TNRC6C: variants seen among roughly 807,000 people sequenced by gnomAD.
TNRC6C encodes trinucleotide repeat-containing gene 6C protein.
A neutral mutation model predicts 153.7 loss-of-function variants in TNRC6C; 20 were observed. That is an observed-to-expected ratio of 0.13 (90% confidence interval 0.09 to 0.19). TNRC6C has a LOEUF of 0.19. TNRC6C is among the 10% of genes least tolerant of loss of function. TNRC6C has a pLI of 1.00. For missense variants in TNRC6C, 1,987 were observed against 2,172.0 expected (o/e 0.91, Z 1.69); for synonymous variants, 811 against 841.4 (o/e 0.96, Z 0.63).
intron 1 of TNRC6C, among the ~76,000 whole-genome samples, chr17:77,980,378 C>T (rs1239989594): frequency 1.3e-5 from 2 of 152,202 alleles, no homozygotes; most frequent in South Asian, 2.1e-4. Flanking sequence ...GGCTCTCACT[C>T]TACAACAGTG....
At chr17:78,099,167 G>T (rs1038024571) in intron 17 of TNRC6C, among the ~76,000 whole-genome samples, 13 of 152,212 alleles carry the variant, frequency 8.5e-5, no homozygotes, top group Admixed American at 6.5e-5. Context: ...AATTAGTGGG[G>T]CATAGTGGCA....
At position 78,093,869 on chromosome 17, in the gene TNRC6C, C is replaced by T. The variant is rs2073435805; in HGVS notation, c.4306+106C>T. ...TGTGAGGCAGGGATGATACAAGGCA[C>T]AGTTGGCGGGCACCTTTTCTAGTCA... is the stretch of plus-strand genomic sequence containing the variant. On this transcript the variant is annotated intron_variant, in intron 16 of 19. Transcript: ENST00000301624. The T allele has an allele frequency of 2.8e-6, 4 of 1,408,910 alleles. No homozygotes were observed. In the South Asian group the frequency reaches 5.9e-5, roughly 21 times the overall value. 87.3% of individuals were successfully genotyped at this position (1,408,910 alleles called of 1,614,324 possible).
chr17:78,092,569 T>C (rs1453021583), intron 14 of TNRC6C, among the ~76,000 whole-genome samples: 1 of 152,142 alleles, frequency 6.6e-6, no homozygotes. Context: ...CTTTCAGGGC[T>C]GAAATTGTAG....
chr17:78,082,331 G>T (rs766861269), intron 10 of TNRC6C, among the ~76,000 whole-genome samples: 1 of 152,096 alleles, frequency 6.6e-6, no homozygotes, highest in African/African-American at 2.4e-5. Flanking sequence ...ACATGGGGAT[G>T]AAGTAATTCT....
intron 1 of TNRC6C, among the ~76,000 whole-genome samples, chr17:78,006,321 A>C (rs2071494897): frequency 6.6e-6 from 1 of 152,262 alleles, no homozygotes; most frequent in Non-Finnish European, 1.5e-5. Context: ...TTATACTCTC[A>C]GAAGCACTGT....
chr17:77,968,245 G>C (rs577901807), intron 1 of TNRC6C, among the ~76,000 whole-genome samples: 1 of 151,922 alleles, frequency 6.6e-6, no homozygotes, highest in East Asian at 1.9e-4. Context: ...TGTTGGCCAG[G>C]CTGGTCTCAA....
chr17:78,043,781 G>A (rs1414302798), intron 2 of TNRC6C, among the ~76,000 whole-genome samples: 2 of 151,558 alleles, frequency 1.3e-5, no homozygotes, highest in African/African-American at 4.9e-5. Flanking sequence ...AATTATGTTC[G>A]TTTTTAACTC....
intron 5 of TNRC6C, among the ~76,000 whole-genome samples, chr17:78,069,209 T>TTA (rs2072941930): frequency 1.3e-5 from 2 of 150,004 alleles, no homozygotes; most frequent in East Asian, 1.9e-4. Flanking sequence ...GAAACTGATT[T>TTA]AAAAAAAAAA....
At chr17:78,096,305 G>A (rs1190850178) in intron 16 of TNRC6C, among the ~76,000 whole-genome samples, 1 of 152,088 alleles carries the variant, frequency 6.6e-6, no homozygotes, top group Non-Finnish European at 1.5e-5. Flanking sequence ...GAAACTGCCT[G>A]TGGGGTACTG....
At chr17:77,969,351 G>A (rs943700769) in intron 1 of TNRC6C, among the ~76,000 whole-genome samples, 1 of 151,990 alleles carries the variant, frequency 6.6e-6, no homozygotes, top group African/African-American at 2.4e-5. Context: ...CTGGGTTCAA[G>A]CGAGTCTCCT....
intron 3 of TNRC6C, among the ~76,000 whole-genome samples, chr17:78,056,631 T>A (rs1177410510): frequency 6.6e-6 from 1 of 151,566 alleles, no homozygotes; most frequent in Admixed American, 6.6e-5. Flanking sequence ...GCTCGGCTAA[T>A]TTTTTTTGTA....
intron 2 of TNRC6C, among the ~76,000 whole-genome samples, chr17:78,038,700 T>C (rs758417127): frequency 6.9e-6 from 1 of 144,186 alleles, no homozygotes; most frequent in Non-Finnish European, 1.5e-5. Context: ...AAAAAAAAAG[T>C]ATTTCCTTGT....
At chr17:77,981,605 T>G (rs892182655) in intron 1 of TNRC6C, among the ~76,000 whole-genome samples, 1 of 152,256 alleles carries the variant, frequency 6.6e-6, no homozygotes, top group Non-Finnish European at 1.5e-5. Flanking sequence ...ATATTAGATT[T>G]TAATGAGTCA....
chr17:78,012,638 G>A (rs891379423), intron 1 of TNRC6C, among the ~76,000 whole-genome samples: 8 of 152,230 alleles, frequency 5.3e-5, no homozygotes, highest in African/African-American at 1.9e-4. Flanking sequence ...CCAGGTGTCA[G>A]TAGGTCAGTA....
In TNRC6C at chr17:78,079,446, A is replaced by C; in HGVS notation, c.3262A>C (p.Arg1088=). 6.2e-7 allele frequency: 1 copy of C among 1,613,988 alleles called. No individual in the cohort carries two copies. The highest frequency in any genetic ancestry group is 1.3e-5 in the African/African-American group (1 of 75,038). ...TGGCAATAGTGGAGCAGCACAAGCC[A>C]GGACCATGCAGCAGCCGCCACAGCC... Residue 1088 remains arginine (R), a synonymous_variant, in exon 10 of 20, where the codon AGG becomes CGG. Transcript: ENST00000301624. The surrounding 1 kb of genome is among the most constrained non-coding windows in gnomAD (Gnocchi z 4.3).
intron 1 of TNRC6C, among the ~76,000 whole-genome samples, chr17:77,974,826 G>A (rs186688337): frequency 1.2e-4 from 19 of 152,298 alleles, no homozygotes; most frequent in African/African-American, 4.3e-4. Flanking sequence ...GTTCACCGAG[G>A]AGAAAACAGA....
intron 1 of TNRC6C, among the ~76,000 whole-genome samples, chr17:78,030,689 A>G (rs994974690): frequency 6.6e-6 from 1 of 152,270 alleles, no homozygotes; most frequent in Non-Finnish European, 1.5e-5. Context: ...AAAAATACAT[A>G]TAAATTCATG....
At chr17:78,092,897 A>G in intron 14 of TNRC6C, 36 bp from the exon 17 acceptor site, 1 of 1,600,124 alleles carries the variant, frequency 6.2e-7, no homozygotes, top group East Asian at 2.2e-5. Context: ...ACTGGAGAGT[A>G]TTCACTCGCT....
intron 1 of TNRC6C, among the ~76,000 whole-genome samples, chr17:78,030,705 C>T (rs527624298): frequency 4.6e-5 from 7 of 152,122 alleles, no homozygotes; most frequent in South Asian, 2.1e-4. Context: ...TCATGGACAC[C>T]TAAAGATTCC....
Sources: gnomAD v4.1 joint callset for allele counts (sites outside exome capture counted in the v4.1 genomes callset) on GRCh38, gnomAD v4.1.1 for gene constraint, Gnocchi (gnomAD v3.1) non-coding constraint, MANE v1.5 for transcripts, NCBI Gene and HGNC (gene_info 2026-07-23, HGNC 2026-07-21) for gene names.